The following SMYD3 variants were observed in gnomAD, a reference collection of about 807,000 sequenced individuals.
SMYD3 encodes histone-lysine N-methyltransferase SMYD3.
A neutral mutation model predicts 57.7 loss-of-function variants in SMYD3; 36 were observed. The observed-to-expected ratio is 0.62, with a 90% CI of 0.48 to 0.82. The LOEUF is 0.82. SMYD3 is among the 40% of genes least tolerant of loss of function. SMYD3 has a pLI of 0.00. For synonymous variants in SMYD3, 211 were observed against 195.0 expected, an observed-to-expected ratio of 1.08 and a Z score of -0.68; for missense variants, 515 against 538.8, an observed-to-expected ratio of 0.96 and a Z score of 0.44.
At chr1:245,866,732 A>G (rs1280204574) in intron 8 of SMYD3, among the ~76,000 whole-genome samples, 1 of 152,150 alleles carries the variant, frequency 6.6e-6, no homozygotes, top group African/African-American at 2.4e-5. Flanking sequence ...ACTCTGCCTC[A>G]AAAAAAGAAA....
At chr1:245,979,147 A>G (rs2058530661) in intron 5 of SMYD3, among the ~76,000 whole-genome samples, 2 of 152,182 alleles carry the variant, frequency 1.3e-5, no homozygotes, top group Non-Finnish European at 2.9e-5. Context: ...TCTCTCTGTC[A>G]TCACACAGAA....
intron 5 of SMYD3, among the ~76,000 whole-genome samples, chr1:246,287,981 G>GC (rs2064605218): frequency 6.6e-6 from 1 of 151,126 alleles, no homozygotes; most frequent in Admixed American, 6.6e-5. Context: ...ACGGCCTGGG[G>GC]CCCCCACCCC....
intron 1 of SMYD3, among the ~76,000 whole-genome samples, chr1:246,391,392 GAA>G (rs1558440254): frequency 1.1e-5 from 1 of 91,794 alleles, no homozygotes; most frequent in Non-Finnish European, 2.3e-5. Flanking sequence ...GAGAGAGAGA[GAA>G]AGAGAGAGAG....
intron 2 of SMYD3, among the ~76,000 whole-genome samples, chr1:246,348,077 T>TATATATATATATATATATACATAC: frequency 1.2e-5 from 1 of 86,488 alleles, no homozygotes; most frequent in African/African-American, 4.0e-5. Flanking sequence ...TATATATATA[T>TATATATATATATATATATACATAC]ACACACACAC....
chr1:246,475,516 C>T (rs2068019039), intron 1 of SMYD3, among the ~76,000 whole-genome samples: 1 of 151,580 alleles, frequency 6.6e-6, no homozygotes, highest in African/African-American at 2.4e-5. Flanking sequence ...CATGATGGCG[C>T]GTGCCTGTAG....
rs71638314 is a variant in SMYD3, at chr1:246,088,597, G to T, written c.532-158660C>A. Among the ~76,000 whole-genome samples, 5 of 84,640 alleles carry T rather than the reference G, an allele frequency of 5.9e-5. No homozygotes were observed. In the South Asian group the frequency reaches 1.8e-3, roughly 30 times the overall value. The allele number at this position is 84,640 out of a possible 152,430, so 55.5% of individuals were successfully genotyped here. A position where few individuals can be genotyped will look rare whatever the true frequency, so the allele number is the denominator to read the frequency against. On this transcript the variant is annotated intron_variant, in intron 5 of 11. Transcript: ENST00000490107. ...TGCACTCCAGCCTGGGCGACAGGGC[G>T]AGACTCCGTCTCAAAGAAAAAAAAA...
chr1:246,033,561 G>A (rs538185741), intron 5 of SMYD3, among the ~76,000 whole-genome samples: 6 of 152,292 alleles, frequency 3.9e-5, no homozygotes, highest in East Asian at 1.9e-4. Flanking sequence ...CGAGGCAGGC[G>A]GATCACGTGA....
intron 5 of SMYD3, among the ~76,000 whole-genome samples, chr1:246,284,812 T>A (rs182072293): frequency 2.2e-4 from 33 of 152,310 alleles, no homozygotes; most frequent in Non-Finnish European, 4.3e-4. Context: ...ATTAATAGGT[T>A]TCTAATGTGA....
intron 5 of SMYD3, among the ~76,000 whole-genome samples, chr1:246,302,650 G>A (rs2064911133): frequency 6.6e-6 from 1 of 152,056 alleles, no homozygotes; most frequent in Non-Finnish European, 1.5e-5. Context: ...TAGCAAATTG[G>A]ACAGTTCATG....
At chr1:246,035,771 C>G (rs991571992) in intron 5 of SMYD3, among the ~76,000 whole-genome samples, 3 of 151,886 alleles carry the variant, frequency 2.0e-5, no homozygotes, top group Non-Finnish European at 4.4e-5. Context: ...CAAATCTTGC[C>G]CAGAAAAAAA....
intron 1 of SMYD3, among the ~76,000 whole-genome samples, chr1:246,378,332 T>C (rs972088562): frequency 1.3e-5 from 2 of 152,118 alleles, no homozygotes; most frequent in Non-Finnish European, 2.9e-5. Flanking sequence ...TGTGAGGGTG[T>C]TGCCAAAGGA....
At chr1:245,977,053 C>CAGGGAAAGCCATCGTCTCTAGCCT (rs1553378095) in intron 5 of SMYD3, among the ~76,000 whole-genome samples, 471 of 37,384 alleles carry the variant, frequency 0.013, 143 homozygotes, top group African/African-American at 0.019. Context: ...GTCTCCGGCC[C>CAGGGAAAGCCATCGTCTCTAGCCT]AGGGAAAGCC....
intron 5 of SMYD3, among the ~76,000 whole-genome samples, chr1:246,045,573 C>G (rs1446040684): frequency 2.0e-5 from 3 of 152,002 alleles, no homozygotes; most frequent in Non-Finnish European, 4.4e-5. Context: ...TAGGCATGGG[C>G]AAGACTTCAT....
At chr1:246,266,484 C>A (rs572667808) in intron 5 of SMYD3, among the ~76,000 whole-genome samples, 6 of 152,150 alleles carry the variant, frequency 3.9e-5, no homozygotes, top group Non-Finnish European at 7.4e-5. Context: ...TTATATGTTC[C>A]AACGGTACCT....
At chr1:245,928,838 C>T (rs184736561) in intron 6 of SMYD3, among the ~76,000 whole-genome samples, 1 of 152,164 alleles carries the variant, frequency 6.6e-6, no homozygotes, top group Non-Finnish European at 1.5e-5. Flanking sequence ...AGAGAGCTGA[C>T]GTTATTTTGC....
chr1:246,237,186 T>C (rs2063526444), intron 5 of SMYD3, among the ~76,000 whole-genome samples: 2 of 152,132 alleles, frequency 1.3e-5, no homozygotes, highest in Admixed American at 1.3e-4. Context: ...CTGTGTGTGT[T>C]CCCTCATACT....
At chr1:246,363,190 C>T (rs1460557408) in intron 1 of SMYD3, among the ~76,000 whole-genome samples, 1 of 151,630 alleles carries the variant, frequency 6.6e-6, no homozygotes, top group African/African-American at 2.4e-5. Context: ...GCCCGGCAGC[C>T]ACCCCGTCTG....
At chr1:246,380,524 G>A (rs2066369908) in intron 1 of SMYD3, among the ~76,000 whole-genome samples, 1 of 152,264 alleles carries the variant, frequency 6.6e-6, no homozygotes, top group African/African-American at 2.4e-5. Context: ...ATCTTTTAAA[G>A]ACCTTCTTCT....
At chr1:246,272,461 T>C (rs1225831694) in intron 5 of SMYD3, among the ~76,000 whole-genome samples, 1 of 152,178 alleles carries the variant, frequency 6.6e-6, no homozygotes, top group East Asian at 1.9e-4. Flanking sequence ...TTTTATTCCT[T>C]ATGTGTTCAG....
Sources: allele counts gnomAD v4.1 joint callset (sites outside exome capture counted in the v4.1 genomes callset), GRCh38; gene constraint gnomAD v4.1.1; transcripts MANE v1.5; gene names NCBI Gene and HGNC (gene_info 2026-07-23, HGNC 2026-07-21).